Variants in HSP90AA1 observed in about 807,000 individuals in gnomAD.
HSP90AA1 encodes heat shock protein HSP 90-alpha.
In HSP90AA1, 18 loss-of-function variants were observed where a neutral mutation model predicts 73.3. The ratio of observed to expected loss-of-function variants is 0.25; its 90% confidence interval spans 0.17 to 0.36. The LOEUF is 0.36. HSP90AA1 is among the 10% of genes least tolerant of loss of function. The pLI is 1.00. For synonymous variants in HSP90AA1, 477 were observed against 296.9 expected (o/e 1.61, Z -6.24); for missense variants, 704 against 874.2 (o/e 0.81, Z 2.45).
chr14:102,127,777 G>A (rs922054143), intron 1 of HSP90AA1, among the ~76,000 whole-genome samples: 3 of 151,992 alleles, frequency 2.0e-5, no homozygotes, highest in Non-Finnish European at 2.9e-5. Flanking sequence ...TCAGCCTCCC[G>A]AGTAGCTGGG....
rs921019630 is a variant in HSP90AA1, at chr14:102,087,025, A to G, written c.-40T>C. ...CGCACAGGACCAACGGCACAGCCAC[A>G]CCGGGACGCTGAAGCAACTGACGCG... On this transcript the variant is annotated 5_prime_UTR_variant, in exon 1 of 11. Transcript: ENST00000216281. The G allele has an allele frequency of 5.5e-5, 54 of 984,952 alleles. No individual in the cohort carries two copies. Among genetic ancestry groups the G allele is most frequent in the Non-Finnish European group, 1.2e-5 (10 of 830,064 alleles). 61.0% of individuals were successfully genotyped at this position (984,952 alleles called of 1,614,324 possible).
Position 102,083,295 on chromosome 14 carries a change from G to A in HSP90AA1, c.1494C>T (p.Thr498=). 6.2e-7 allele frequency: 1 copy of A among 1,614,080 alleles called. No individual in the cohort carries two copies. The highest frequency in any genetic ancestry group is 8.5e-7 in the Non-Finnish European group (1 of 1,179,978). Residue 498 remains threonine, a synonymous_variant, in exon 9 of 11, where the codon ACC becomes ACT. Transcript: ENST00000216281. The stretch of plus-strand genomic sequence containing the variant: ...AGGCTGAGTTAGCTACCTGGTCCTT[G>A]GTCTCACCTGAGGTATTACAAAGTT... ...QKHIYYITGE[T]KDQVANSAFV... is the part of the protein sequence containing the mutation.
At position 102,139,600 on chromosome 14, in the gene HSP90AA1, C is replaced by G. The variant is rs555206848; in HGVS notation, c.-196G>C. ...CCCCCTGACCGGCTTTCCGCTGGCC[C>G]TGGCGGCTGCGGAACGGTCAACTAG... is the stretch of plus-strand genomic sequence containing the variant. On this transcript the variant is annotated 5_prime_UTR_variant, in exon 1 of 12. Transcript: ENST00000334701. 6.1e-5 allele frequency: 41 copies of G among 676,208 alleles called. No individual in the cohort carries two copies. The African/African-American group carries it at 6.5e-4, about 11-fold the overall frequency. 41.9% of individuals were successfully genotyped at this position (676,208 alleles called of 1,614,324 possible).
chr14:102,134,062 A>T (rs953932722), intron 1 of HSP90AA1, among the ~76,000 whole-genome samples: 5 of 151,502 alleles, frequency 3.3e-5, no homozygotes, highest in African/African-American at 9.7e-5. Flanking sequence ...GAGGCAGGAG[A>T]ATTGCTTCAA....
rs558177490 is a variant in HSP90AA1, at chr14:102,107,208, G to A, written c.156-5123C>T. Among the ~76,000 whole-genome samples, 82 of 152,116 alleles carry A rather than the reference G, an allele frequency of 5.4e-4. 1 individual carries two copies. Among genetic ancestry groups the A allele is most frequent in the African/African-American group, 1.8e-3 (76 of 41,392 alleles). The stretch of plus-strand genomic sequence containing the variant: ...GGCGAGGGTGGGGAGTCTGGAAGCA[G>A]TAGTGCCCCAACCCTGGCCTGCCGC... On this transcript the variant is annotated intron_variant, in intron 1 of 11. Coordinates refer to the HSP90AA1 transcript ENST00000334701.
rs769688719 is a variant in HSP90AA1, at chr14:102,081,045, A to G, written c.*667T>C. Reference sequence around the variant, plus strand: ...CCCCTAAATAAGACACTGTCACACAATATCTTTTAACTCATCTGTATTTGT... The same window carrying G: ...CCCCTAAATAAGACACTGTCACACAGTATCTTTTAACTCATCTGTATTTGT... On this transcript the variant is annotated 3_prime_UTR_variant, in exon 11 of 11. Coordinates refer to ENST00000216281, the MANE Select transcript of HSP90AA1 (RefSeq NM_005348.4). 37 of 227,608 alleles carry G rather than the reference A, an allele frequency of 1.6e-4. 1 individual carries two copies. Among genetic ancestry groups the G allele is most frequent in the South Asian group, 3.6e-4 (2 of 5,518 alleles). The allele number at this position is 227,608 out of a possible 1,614,324, so 14.1% of individuals were successfully genotyped here. A position where few individuals can be genotyped will look rare whatever the true frequency, so the allele number is the denominator to read the frequency against.
chr14:102,109,525 G>C (rs1464129480), intron 1 of HSP90AA1, among the ~76,000 whole-genome samples: 1 of 152,176 alleles, frequency 6.6e-6, no homozygotes, highest in Non-Finnish European at 1.5e-5. Context: ...TGCCATACAT[G>C]TAAGACATGA....
In HSP90AA1 at chr14:102,083,922, C is replaced by T. The variant is rs781185775; in HGVS notation, c.1209G>A (p.Leu403=). Residue 403 remains leucine, a synonymous_variant, in exon 7 of 11, where the codon TTG becomes TTA. Transcript: ENST00000216281. ...TAACTTTCAAAATTTTGCTTTGTTG[C>T]AACATCTCACGGGATATGTTTAGAG... The part of the protein sequence containing the change: ...DLPLNISREM[L]QQSKILKVIR... 3.7e-6 allele frequency: 6 copies of T among 1,613,822 alleles called. No individual in the cohort carries two copies. The East Asian group carries it at 1.1e-4, about 30-fold the overall frequency.
In HSP90AA1 at chr14:102,081,301, T is replaced by C. The variant is rs1405413219; in HGVS notation, c.*411A>G. 1.0e-5 allele frequency: 3 copies of C among 298,160 alleles called. No individual in the cohort carries two copies. Among genetic ancestry groups the C allele is most frequent in the Non-Finnish European group, 1.9e-5 (3 of 157,314 alleles). The allele number at this position is 298,160 out of a possible 1,614,324, so 18.5% of individuals were successfully genotyped here. On this transcript the variant is annotated 3_prime_UTR_variant, in exon 11 of 11. Transcript: ENST00000216281. ...ATGCAGAATTGTCAACTACAGGGAA[T>C]GAAAAGTTCAAAAAGTAGATCCTAC...
intron 1 of HSP90AA1, among the ~76,000 whole-genome samples, chr14:102,122,737 A>G (rs906765743): frequency 7.9e-5 from 12 of 151,424 alleles, no homozygotes; most frequent in South Asian, 4.2e-4. Context: ...GTTCGATCTC[A>G]GCTCACTGCA....
intron 6 of HSP90AA1, 87 bp from the exon 7 acceptor site, chr14:102,084,070 AGAT>A (rs942144706): frequency 2.0e-6 from 2 of 1,022,414 alleles, no homozygotes; most frequent in East Asian, 2.5e-5. Flanking sequence ...GATAACCTGA[AGAT>A]GATGGGACGT....
At chr14:102,091,652 A>C (rs1186196453), upstream of HSP90AA1, among the ~76,000 whole-genome samples, 1 of 151,884 alleles carries the variant, frequency 6.6e-6, no homozygotes, top group Non-Finnish European at 1.5e-5. Context: ...AAAAAGAGAC[A>C]GTCTCACTCT....
chr14:102,086,196 C>A, intron 2 of HSP90AA1, 21 bp downstream of exon 2: 1 of 1,614,152 alleles, frequency 6.2e-7, no homozygotes. Flanking sequence ...AAATCCGATT[C>A]TGGGTTAATA....
intron 2 of HSP90AA1, among the ~76,000 whole-genome samples, chr14:102,096,971 CTG>C (rs1369135795): frequency 6.6e-6 from 1 of 152,066 alleles, no homozygotes; most frequent in Non-Finnish European, 1.5e-5. Context: ...GGGAATGAAA[CTG>C]TGTAAGAGAA....
chr14:102,123,257 G>A (rs543803579), intron 1 of HSP90AA1, among the ~76,000 whole-genome samples: 24 of 152,134 alleles, frequency 1.6e-4, no homozygotes, highest in African/African-American at 4.3e-4. Context: ...TTAGCCGAGC[G>A]TGGTGGTAGG....
chr14:102,096,836 T>C lies in HSP90AA1; in HGVS notation c.366+5039A>G, dbSNP rs116715937. On this transcript the variant is annotated intron_variant, in intron 2 of 11. Coordinates refer to the HSP90AA1 transcript ENST00000334701. ...TCTTTGAAGTTTAGGAATTTCATTT[T>C]TTCGTTATTCCCTGTGTATGGGAGA... 4.5e-3 allele frequency among the ~76,000 whole-genome samples: 679 copies of C among 152,334 alleles called. 7 individuals are homozygous for C. Among genetic ancestry groups the C allele is most frequent in the African/African-American group, 0.015 (629 of 41,568 alleles).
intron 1 of HSP90AA1, among the ~76,000 whole-genome samples, chr14:102,124,514 G>A (rs2049818249): frequency 6.6e-6 from 1 of 151,788 alleles, no homozygotes; most frequent in Non-Finnish European, 1.5e-5. Context: ...TTTTAAATCT[G>A]CTATATTACA....
upstream of HSP90AA1, among the ~76,000 whole-genome samples, chr14:102,087,749 C>G (rs889807208): frequency 1.3e-5 from 2 of 152,106 alleles, no homozygotes; most frequent in African/African-American, 2.4e-5. Context: ...CTTTTGGGTT[C>G]CCCGAAAGCC....
At chr14:102,135,756 G>A (rs1025651639) in intron 1 of HSP90AA1, among the ~76,000 whole-genome samples, 1 of 152,266 alleles carries the variant, frequency 6.6e-6, no homozygotes, top group African/African-American at 2.4e-5. Flanking sequence ...TGGCCCGGGT[G>A]CTAAGTCCCT....
Sources: gnomAD v4.1 joint callset for allele counts (sites outside exome capture counted in the v4.1 genomes callset) on GRCh38, gnomAD v4.1.1 for gene constraint, MANE v1.5 for transcripts, NCBI Gene and HGNC (gene_info 2026-07-23, HGNC 2026-07-21) for gene names.